The following SEC31B variants were observed in gnomAD, a reference collection of about 807,000 sequenced individuals.
SEC31B encodes protein transport protein Sec31B.
Under a neutral mutation model 135.0 loss-of-function variants are expected in SEC31B, and 113 were observed. The ratio of observed to expected loss-of-function variants is 0.84; its 90% CI spans 0.72 to 0.98. The LOEUF is 0.98. Ranked by LOEUF, SEC31B falls within the 50% of genes least tolerant of loss-of-function variation. SEC31B has a pLI of 0.00. For synonymous variants in SEC31B, 508 were observed against 549.4 expected (o/e 0.92, Z 1.05); for missense variants, 1,296 against 1,421.1 (o/e 0.91, Z 1.42).
In SEC31B at chr10:100,516,401, A is replaced by G. The variant is rs566318618; in HGVS notation, c.80-182T>C. 3.8e-3 allele frequency among the ~76,000 whole-genome samples: 578 copies of G among 152,186 alleles called. 7 individuals are homozygous for G. The highest frequency in any genetic ancestry group is 0.013 in the African/African-American group (554 of 41,536). Reference sequence around the variant, plus strand: ...GGTGGCTCACGCCTGTAATCCCAACATTTTGGGACGCCGAGGTGGGCAGAT... The same window carrying G: ...GGTGGCTCACGCCTGTAATCCCAACGTTTTGGGACGCCGAGGTGGGCAGAT... On this transcript the variant is annotated intron_variant, in intron 2 of 25. Coordinates refer to ENST00000370345, the MANE Select transcript of SEC31B (RefSeq NM_015490.4).
At chr10:100,505,331 C>A (rs772221635) in intron 10 of SEC31B, 30 bp downstream of exon 10, 1 of 1,610,882 alleles carries the variant, frequency 6.2e-7, no homozygotes, top group South Asian at 1.1e-5. Flanking sequence ...CACACAAACA[C>A]ACACACACCT....
At chr10:100,513,933 C>T (rs1025803808) in intron 3 of SEC31B, among the ~76,000 whole-genome samples, 3 of 151,858 alleles carry the variant, frequency 2.0e-5, no homozygotes, top group Non-Finnish European at 4.4e-5. Context: ...GCCTATAATC[C>T]CAGCACTTTG....
rs747484555 is a variant in SEC31B at position 100,497,190 on chromosome 10, C to G, written c.2081G>C (p.Arg694Pro). 1 of 1,613,902 alleles carries G rather than the reference C, an allele frequency of 6.2e-7. No individual in the cohort carries two copies. Among genetic ancestry groups the G allele is most frequent in the African/African-American group, 1.3e-5 (1 of 74,830 alleles). ...LCYVCSGSVE[R>P]LVECWAKCHQ... ...GCATTTTGCCCAGCACTCCACCAGCCGCTCCACACTCCCTGAGCACACATA... is the reference window on the plus strand; with the variant it reads ...GCATTTTGCCCAGCACTCCACCAGCGGCTCCACACTCCCTGAGCACACATA... Residue 694 changes from arginine (R) to proline (P), a missense_variant, in exon 17 of 26, where the codon CGG becomes CCG. Physicochemically the swap from Arg to Pro is moderately radical, Grantham distance 103 (BLOSUM62 -2). Coordinates refer to ENST00000370345, the MANE Select transcript of SEC31B (RefSeq NM_015490.4).
At chr10:100,511,911 CA>C (rs1851744278) in intron 3 of SEC31B, among the ~76,000 whole-genome samples, 4 of 152,176 alleles carry the variant, frequency 2.6e-5, no homozygotes, top group Non-Finnish European at 4.4e-5. Context: ...TATGAATCCT[CA>C]ATTTACAGTG....
intron 24 of SEC31B, 135 bp downstream of exon 24, chr10:100,488,723 A>C: frequency 8.2e-7 from 1 of 1,216,420 alleles, no homozygotes. Context: ...CATGGACGTC[A>C]ATTAAGTACA....
chr10:100,489,740 T>G lies in SEC31B; in HGVS notation c.2987A>C (p.Glu996Ala). The stretch of plus-strand genomic sequence containing the variant: ...GAGGTTTCCCCTGGGGGCTGGGGCT[T>G]CTTTCCAGGAATCTTGAGGTCCTAT... ...PHPGPQDSWK[E>A]APAPRGNLQR... is the part of the protein sequence containing the mutation. Residue 996 changes from glutamate to alanine, a missense_variant, in exon 22 of 26, where the codon GAA becomes GCA. Coordinates refer to ENST00000370345, the MANE Select transcript of SEC31B (RefSeq NM_015490.4). The G allele has an allele frequency of 1.2e-6, 2 of 1,614,132 alleles. No individual in the cohort carries two copies. Among genetic ancestry groups the G allele is most frequent in the Non-Finnish European group, 1.7e-6 (2 of 1,180,010 alleles).
chr10:100,498,213 G>T lies in SEC31B; in HGVS notation c.1685-6C>A, dbSNP rs1202792766. On this transcript the variant is annotated splice_region_variant and splice_polypyrimidine_tract_variant and intron_variant, in intron 14 of 25. Coordinates refer to ENST00000370345, the MANE Select transcript of SEC31B (RefSeq NM_015490.4). ...GCTTAGGAGTCCATCAATATCTGCA[G>T]GCAGAAGCATCCCCTGTGCATTAGT... 2.5e-6 allele frequency: 4 copies of T among 1,614,076 alleles called. No homozygotes were observed. The South Asian group carries it at 4.4e-5, about 18-fold the overall frequency.
intron 1 of SEC31B, 103 bp from the exon 2 acceptor site, chr10:100,517,100 C>G (rs1243940227): frequency 8.0e-6 from 5 of 625,910 alleles, no homozygotes; most frequent in Non-Finnish European, 1.4e-5. Context: ...CATTTCAGGG[C>G]AACACAGAGT....
chr10:100,504,357 T>C (rs924058358), intron 10 of SEC31B, among the ~76,000 whole-genome samples: 1 of 152,222 alleles, frequency 6.6e-6, no homozygotes, highest in Non-Finnish European at 1.5e-5. Context: ...TCAAACCTAA[T>C]ATTTAAAGCA....
chr10:100,496,309 G>A lies in SEC31B; in HGVS notation c.2259C>T (p.Ala753=). The stretch of plus-strand genomic sequence containing the variant: ...TCATGGCAGTGGCCAGGCTGCCCTG[G>A]GCTGCCAGGAGGTTGGCATACTGAG... ...RVTQYANLLA[A]QGSLATAMSF... The change falls in exon 18 of 26, where the codon GCC becomes GCT. Residue 753 remains alanine (A), a synonymous_variant. Coordinates refer to ENST00000370345, the MANE Select transcript of SEC31B (RefSeq NM_015490.4). 2.5e-6 allele frequency: 4 copies of A among 1,614,200 alleles called. No individual in the cohort carries two copies. The highest frequency in any genetic ancestry group is 1.1e-5 in the South Asian group (1 of 91,084).
At chr10:100,493,608 G>A (rs1050186484) in intron 19 of SEC31B, among the ~76,000 whole-genome samples, 5 of 152,182 alleles carry the variant, frequency 3.3e-5, no homozygotes, top group African/African-American at 9.7e-5. Flanking sequence ...GATGAGGGAG[G>A]CAGAATAAGT....
chr10:100,516,505 C>T (rs751305425), intron 2 of SEC31B, among the ~76,000 whole-genome samples: 2 of 151,850 alleles, frequency 1.3e-5, no homozygotes, highest in Non-Finnish European at 2.9e-5. Flanking sequence ...AAAAATTAGC[C>T]AGATGTGGTG....
rs773194327 is a variant in SEC31B at position 100,506,430 on chromosome 10, G to A, written c.783-10C>T. On this transcript the variant is annotated splice_polypyrimidine_tract_variant and intron_variant, in intron 7 of 25. Coordinates refer to ENST00000370345, the MANE Select transcript of SEC31B (RefSeq NM_015490.4). The stretch of plus-strand genomic sequence containing the variant: ...CACTGACAAGATCCCCCTAAAAAGA[G>A]AAGGGAAGAGGAACTAGCATTTGTT... 6.2e-7 allele frequency: 1 copy of A among 1,613,538 alleles called. No homozygotes were observed. Among genetic ancestry groups the A allele is most frequent in the African/African-American group, 1.3e-5 (1 of 74,914 alleles).
rs1438450035 is a variant in SEC31B, at chr10:100,490,009, T to C, written c.2964A>G (p.Pro988=). Residue 988 remains proline, a splice_region_variant and synonymous_variant, in exon 21 of 26, where the codon CCA becomes CCG. Transcript: ENST00000370345. ...GGGATCCATGGAAGGAAGACTGACC[T>C]GGGTGAGGAGTCAAGATGCCAGTGG... The part of the protein sequence containing the change: ...LPTTGILTPH[P]GPQDSWKEAP... The C allele has an allele frequency of 3.2e-6, 5 of 1,538,622 alleles. No homozygotes were observed. The South Asian group carries it at 5.2e-5, about 16-fold the overall frequency.
chr10:100,506,264 G>C lies in SEC31B; in HGVS notation c.882+57C>G. ...AAACCCAAAACACATGGCTGCAGCT[G>C]AGATTCTTCTACCCTCTCTCTCCCA... On this transcript the variant is annotated intron_variant, in intron 8 of 25. Transcript: ENST00000370345. 12 of 1,614,040 alleles carry C rather than the reference G, an allele frequency of 7.4e-6. No individual in the cohort carries two copies. The South Asian group carries it at 1.3e-4, about 18-fold the overall frequency.
chr10:100,488,141 A>G (rs1851218761), intron 24 of SEC31B, 43 bp from the exon 25 acceptor site: 2 of 1,533,864 alleles, frequency 1.3e-6, no homozygotes, highest in Non-Finnish European at 1.8e-6. Context: ...CCCTAAGTCT[A>G]ACACCACACA....
intron 20 of SEC31B, 126 bp from the exon 21 acceptor site, chr10:100,490,448 C>T: frequency 9.4e-7 from 1 of 1,062,574 alleles, no homozygotes; most frequent in Non-Finnish European, 1.3e-6. Context: ...ATATGGAAAT[C>T]TATAATTTAC....
intron 19 of SEC31B, among the ~76,000 whole-genome samples, chr10:100,491,384 C>T (rs764962843): frequency 3.3e-5 from 5 of 152,162 alleles, no homozygotes; most frequent in Admixed American, 1.3e-4. Flanking sequence ...AGGAACACTT[C>T]CTAACTAATT....
intron 10 of SEC31B, among the ~76,000 whole-genome samples, chr10:100,504,372 A>G (rs749677714): frequency 1.1e-4 from 17 of 152,224 alleles, no homozygotes; most frequent in Non-Finnish European, 2.4e-4. Flanking sequence ...AAAGCATTGT[A>G]CCAAGTGCTT....
Sources: allele counts gnomAD v4.1 joint callset (sites outside exome capture counted in the v4.1 genomes callset), GRCh38; gene constraint gnomAD v4.1.1; transcripts MANE v1.5; gene names NCBI Gene and HGNC (gene_info 2026-07-23, HGNC 2026-07-21).